DNAH6: variants seen among roughly 807,000 people sequenced by gnomAD.
The protein encoded by DNAH6 is axonemal beta dynein heavy chain 6.
A neutral mutation model predicts 491.4 loss-of-function variants in DNAH6; 340 were observed. The observed-to-expected ratio is 0.69, with a 90% CI of 0.63 to 0.76. The LOEUF is 0.76. Among genes scored for constraint, DNAH6 ranks in the 30% least tolerant of loss-of-function variants. The pLI is 0.00. For missense variants in DNAH6, 4,443 were observed against 4,972.2 expected (o/e 0.89, Z 3.20); for synonymous variants, 1,603 against 1,686.1 (o/e 0.95, Z 1.21).
In DNAH6 at chr2:84,812,464, C is replaced by A. The variant is rs1188506216; in HGVS notation, c.11863C>A (p.Pro3955Thr). The A allele has an allele frequency of 6.4e-7, 1 of 1,551,712 alleles. No individual in the cohort carries two copies. The highest frequency in any genetic ancestry group is 1.4e-5 in the African/African-American group (1 of 73,162). The change falls in exon 73 of 77, where the codon CCA becomes ACA. Residue 3955 changes from proline (P) to threonine (T), a missense_variant. Transcript: ENST00000389394. ...VPALWSNTAY[P>T]SLKPLGSWVK... is the part of the protein sequence containing the mutation. ...CGCTCTGTGGTCCAACACAGCCTACCCATCCCTGAAGCCACTAGGATCATG... is the reference window on the plus strand; with the variant it reads ...CGCTCTGTGGTCCAACACAGCCTACACATCCCTGAAGCCACTAGGATCATG...
At chr2:84,488,988 A>G in the DNAH6 span, among the ~76,000 whole-genome samples, 1 of 152,188 alleles carries the variant, frequency 6.6e-6, no homozygotes, top group African/African-American at 2.4e-5. Flanking sequence ...TAATAGCTTT[A>G]TCAATGATAA....
chr2:84,512,614 T>A (rs1379449158), upstream of DNAH6, among the ~76,000 whole-genome samples: 2 of 152,220 alleles, frequency 1.3e-5, no homozygotes, highest in Non-Finnish European at 2.9e-5. Context: ...CTTCAACTGC[T>A]GTTGTTGAAT....
the DNAH6 span, among the ~76,000 whole-genome samples, chr2:84,506,640 G>A: frequency 3.3e-5 from 5 of 152,146 alleles, no homozygotes; most frequent in African/African-American, 9.7e-5. Flanking sequence ...TGAAGTCCTT[G>A]CCCATGCCTA....
chr2:84,525,223 T>A (rs1349102522), intron 2 of DNAH6, among the ~76,000 whole-genome samples: 1 of 152,130 alleles, frequency 6.6e-6, no homozygotes, highest in Non-Finnish European at 1.5e-5. Flanking sequence ...TCTGCACTTC[T>A]TCCCATAGTA....
chr2:84,572,796 A>G (rs144349097), intron 11 of DNAH6, among the ~76,000 whole-genome samples: 20 of 152,362 alleles, frequency 1.3e-4, no homozygotes, highest in African/African-American at 4.8e-4. Context: ...CCAAGTAGAC[A>G]TGGACCAAGA....
At chr2:84,479,726 G>C in the DNAH6 span, among the ~76,000 whole-genome samples, 1 of 152,218 alleles carries the variant, frequency 6.6e-6, no homozygotes, top group Non-Finnish European at 1.5e-5. Context: ...GGGGCCTATG[G>C]AGAAGAAAGA....
At chr2:84,709,265 T>A in intron 54 of DNAH6, 78 bp from the exon 55 acceptor site, 2 of 1,428,264 alleles carry the variant, frequency 1.4e-6, no homozygotes, top group Non-Finnish European at 9.6e-7. Flanking sequence ...GACTTACCAC[T>A]GCCCACCACA....
the DNAH6 span, among the ~76,000 whole-genome samples, chr2:84,482,462 C>G: frequency 4.6e-5 from 7 of 152,208 alleles, no homozygotes; most frequent in Admixed American, 2.0e-4. Context: ...ATGTGTCAGG[C>G]TATTGAATAG....
chr2:84,590,157 G>T (rs933783166), intron 16 of DNAH6, among the ~76,000 whole-genome samples: 1 of 152,068 alleles, frequency 6.6e-6, no homozygotes, highest in Non-Finnish European at 1.5e-5. Context: ...AGACAGGAAG[G>T]TATGTAGTAA....
At chr2:84,818,228 A>G (rs1680678430) in intron 76 of DNAH6, among the ~76,000 whole-genome samples, 1 of 152,124 alleles carries the variant, frequency 6.6e-6, no homozygotes, top group Non-Finnish European at 1.5e-5. Flanking sequence ...ATCAGACATA[A>G]TGTGCTTCCT....
chr2:84,534,702 C>T (rs1677516405), intron 4 of DNAH6, among the ~76,000 whole-genome samples: 1 of 151,718 alleles, frequency 6.6e-6, no homozygotes, highest in African/African-American at 2.4e-5. Flanking sequence ...TTCCTCTTTT[C>T]CTCTTGTTTG....
the DNAH6 span, among the ~76,000 whole-genome samples, chr2:84,465,436 A>G: frequency 6.6e-6 from 1 of 152,146 alleles, no homozygotes; most frequent in African/African-American, 2.4e-5. Flanking sequence ...CGGAGCTTGC[A>G]GTGAGCCAAG....
Position 84,518,134 on chromosome 2 carries a change from G to A in DNAH6, c.225+83G>A, listed in dbSNP as rs1675769936. 8.2e-6 allele frequency: 8 copies of A among 977,652 alleles called. No individual in the cohort carries two copies. In the Admixed American group the frequency reaches 1.2e-4, roughly 14 times the overall value. 60.6% of individuals were successfully genotyped at this position (977,652 alleles called of 1,614,324 possible). A position where few individuals can be genotyped will look rare whatever the true frequency, so the allele number is the denominator to read the frequency against. The stretch of plus-strand genomic sequence containing the variant: ...CTTTGGAGGATAGAAGTCATGTCCA[G>A]ACTCTGAACTGACAAAGAAGGAATG... On this transcript the variant is annotated intron_variant, in intron 2 of 76. Transcript: ENST00000389394.
chr2:84,653,635 G>C lies in DNAH6; in HGVS notation c.5395G>C (p.Gly1799Arg). 1 of 1,551,194 alleles carries C rather than the reference G, an allele frequency of 6.4e-7. No individual in the cohort carries two copies. The highest frequency in any genetic ancestry group is 8.7e-7 in the Non-Finnish European group (1 of 1,146,676). ...YVLNPKSITM[G>R]ELYGEVNNLT... ...TCTCAACCCTAAATCAATTACCATG[G>C]GTGAATTATATGGAGAGGTTAATAA... Residue 1799 changes from glycine (G) to arginine (R), a missense_variant, in exon 34 of 77, where the codon GGT (glycine) becomes CGT (arginine). By Grantham distance (125) the Gly-to-Arg change is moderately radical. Transcript: ENST00000389394.
intron 21 of DNAH6, among the ~76,000 whole-genome samples, chr2:84,608,989 G>A (rs1045475087): frequency 6.6e-6 from 1 of 152,154 alleles, no homozygotes; most frequent in African/African-American, 2.4e-5. Context: ...ACTTCACCTT[G>A]CCCTTTTATG....
the DNAH6 span, among the ~76,000 whole-genome samples, chr2:84,465,911 G>A: frequency 6.6e-6 from 1 of 152,222 alleles, no homozygotes; most frequent in African/African-American, 2.4e-5. Context: ...TATTATACTT[G>A]GCCTGATTAT....
In DNAH6 at chr2:84,812,242, C is replaced by A. The variant is rs533856113; in HGVS notation, c.11740-99C>A. ...AAAGAGGATAGAACCTAGCAACTGG[C>A]GCCTCCAGGCAAGGCAGCCCCTGCT... On this transcript the variant is annotated intron_variant, in intron 72 of 76. Coordinates refer to ENST00000389394, the MANE Select transcript of DNAH6 (RefSeq NM_001370.2). The A allele has an allele frequency of 9.1e-5, 96 of 1,057,640 alleles. 3 individuals are homozygous for A. In the South Asian group the frequency reaches 1.5e-3, roughly 17 times the overall value. The allele number at this position is 1,057,640 out of a possible 1,614,324, so 65.5% of individuals were successfully genotyped here. A position where few individuals can be genotyped will look rare whatever the true frequency, so the allele number is the denominator to read the frequency against.
At chr2:84,703,346 CTT>C in intron 49 of DNAH6, 47 bp from the exon 50 acceptor site, 1 of 1,355,092 alleles carries the variant, frequency 7.4e-7, no homozygotes. Context: ...TACCAGTAAA[CTT>C]AGAGTTTATA....
At chr2:84,581,581 TAA>T (rs1000094657) in intron 14 of DNAH6, among the ~76,000 whole-genome samples, 2 of 152,128 alleles carry the variant, frequency 1.3e-5, no homozygotes, top group Non-Finnish European at 2.9e-5. Context: ...TAAGCTGTCA[TAA>T]AATACATGAA....
Sources: allele counts gnomAD v4.1 joint callset (sites outside exome capture counted in the v4.1 genomes callset), GRCh38; gene constraint gnomAD v4.1.1; transcripts MANE v1.5; gene names NCBI Gene and HGNC (gene_info 2026-07-23, HGNC 2026-07-21).